Variants in BST1 observed in about 807,000 individuals in gnomAD.
The protein encoded by BST1 is ADP-ribosyl cyclase/cyclic ADP-ribose hydrolase 2.
A neutral mutation model predicts 40.6 loss-of-function variants in BST1; 49 were observed. The ratio of observed to expected loss-of-function variants is 1.21; its 90% confidence interval spans 0.96 to 1.53. BST1 has a LOEUF of 1.53. BST1 is among the 40% of genes most tolerant of loss of function. The pLI, the probability that BST1 is intolerant of heterozygous loss-of-function variation, is 0.00. For missense variants in BST1, 423 were observed against 395.9 expected, an observed-to-expected ratio of 1.07 and a Z score of -0.58; for synonymous variants, 157 against 159.3, an observed-to-expected ratio of 0.99 and a Z score of 0.11.
the BST1 span, among the ~76,000 whole-genome samples, chr4:15,760,680 A>G: frequency 6.6e-6 from 1 of 150,638 alleles, no homozygotes. Context: ...AATATATACT[A>G]TATATTTATT....
At chr4:15,730,072 T>A (rs182831666) in intron 8 of BST1, among the ~76,000 whole-genome samples, 201 of 152,332 alleles carry the variant, frequency 1.3e-3, no homozygotes, top group Non-Finnish European at 1.9e-3. Flanking sequence ...TCTGGGACAT[T>A]AACTGCATCA....
In BST1 at chr4:15,703,265, G is replaced by T; in HGVS notation, c.121G>T (p.Ala41Ser). 6.5e-7 allele frequency: 1 copy of T among 1,539,312 alleles called. No homozygotes were observed. Among genetic ancestry groups the T allele is most frequent in the Non-Finnish European group, 8.7e-7 (1 of 1,146,812 alleles). ...RARWRGEGTS[A>S]HLRDIFLGRC... ...GCGGTGGCGCGGGGAGGGCACCAGC[G>T]CACACTTGCGGGACATCTTCCTGGG... Residue 41 changes from alanine to serine, a missense_variant, in exon 1 of 9, where the codon GCA becomes TCA. Ala to Ser is a moderately conservative substitution (Grantham distance 99). Coordinates refer to ENST00000265016, the MANE Select transcript of BST1 (RefSeq NM_004334.3).
At chr4:15,771,224 G>A in the BST1 span, among the ~76,000 whole-genome samples, 3 of 152,080 alleles carry the variant, frequency 2.0e-5, no homozygotes, top group South Asian at 2.1e-4. Context: ...CAATTAATCC[G>A]CACTTCAAGC....
the BST1 span, among the ~76,000 whole-genome samples, chr4:15,758,763 A>G: frequency 6.6e-6 from 1 of 152,144 alleles, no homozygotes; most frequent in Non-Finnish European, 1.5e-5. Context: ...TGATTGTTTT[A>G]GATTCTTCAT....
chr4:15,754,752 G>T, the BST1 span, among the ~76,000 whole-genome samples: 1 of 152,102 alleles, frequency 6.6e-6, no homozygotes, highest in South Asian at 2.1e-4. Context: ...TTCTGAAAAG[G>T]TAGTATATAC....
At chr4:15,742,074 AG>A (rs1202992341), downstream of BST1, among the ~76,000 whole-genome samples, 4 of 152,166 alleles carry the variant, frequency 2.6e-5, no homozygotes, top group Non-Finnish European at 5.9e-5. Flanking sequence ...GCAGTTTTTC[AG>A]GGTTTGAGAT....
the BST1 span, among the ~76,000 whole-genome samples, chr4:15,747,333 C>A: frequency 1.3e-5 from 2 of 152,178 alleles, no homozygotes; most frequent in Non-Finnish European, 2.9e-5. Context: ...GCCATGCTGC[C>A]TTTATGCCAT....
chr4:15,707,789 T>G lies in BST1; in HGVS notation c.451+143T>G, dbSNP rs949171250. The G allele has an allele frequency of 2.9e-6, 3 of 1,034,782 alleles. No individual in the cohort carries two copies. In the African/African-American group the frequency reaches 4.9e-5, roughly 17 times the overall value. The allele number at this position is 1,034,782 out of a possible 1,614,324, so 64.1% of individuals were successfully genotyped here. On this transcript the variant is annotated intron_variant, in intron 3 of 8. Coordinates refer to ENST00000265016, the MANE Select transcript of BST1 (RefSeq NM_004334.3). ...GATAAGTGGCAAGAATAGTTAATAA[T>G]AACAATACTAGAGAATACTTAACTT...
intron 1 of BST1, 87 bp downstream of exon 1, chr4:15,703,419 G>C: frequency 6.9e-7 from 1 of 1,451,050 alleles, no homozygotes; most frequent in Non-Finnish European, 9.0e-7. Flanking sequence ...GCTAAAGTTC[G>C]GGGTGAGGGG....
chr4:15,709,491 C>G (rs1419873706), intron 3 of BST1, among the ~76,000 whole-genome samples: 2 of 152,114 alleles, frequency 1.3e-5, no homozygotes, highest in Non-Finnish European at 2.9e-5. Context: ...GCCATTCTTT[C>G]AATGGAGAAC....
Position 15,707,629 on chromosome 4 carries a change from G to A in BST1, c.434G>A (p.Arg145Gln), listed in dbSNP as rs2302464. The change falls in exon 3 of 9, where the codon CGA becomes CAA. Residue 145 changes from arginine to glutamine, a missense_variant. Transcript: ENST00000265016. ...GTTGCAGATTTCTTGAGCTGGTGTC[G>A]ACAGAAAAATGACTCTGGTAAGACT... ...GRVADFLSWC[R>Q]QKNDSGLDYQ... 0.037 allele frequency: 59,225 copies of A among 1,613,756 alleles called. 2,224 individuals carry two copies. The highest frequency in any genetic ancestry group is 0.22 in the East Asian group (9,881 of 44,848).
chr4:15,749,564 C>T, the BST1 span, among the ~76,000 whole-genome samples: 1 of 152,150 alleles, frequency 6.6e-6, no homozygotes, highest in Non-Finnish European at 1.5e-5. Flanking sequence ...CAAAGAATAG[C>T]TCTGGAAATC....
the BST1 span, among the ~76,000 whole-genome samples, chr4:15,762,778 C>T: frequency 6.6e-6 from 1 of 152,076 alleles, no homozygotes; most frequent in Non-Finnish European, 1.5e-5. Context: ...TCAGAGTCCA[C>T]ATATAAGTGC....
the BST1 span, among the ~76,000 whole-genome samples, chr4:15,766,943 C>T: frequency 6.6e-6 from 1 of 151,822 alleles, no homozygotes; most frequent in Admixed American, 6.6e-5. Context: ...CTGCATCCCA[C>T]GCCCAGTGCC....
At position 15,732,018 on chromosome 4, in the gene BST1, A is replaced by G; in HGVS notation, c.*173A>G. 7.5e-7 allele frequency: 1 copy of G among 1,326,656 alleles called. No individual in the cohort carries two copies. Among genetic ancestry groups the G allele is most frequent in the Non-Finnish European group, 9.6e-7 (1 of 1,037,166 alleles). The allele number at this position is 1,326,656 out of a possible 1,614,324, so 82.2% of individuals were successfully genotyped here. A position where few individuals can be genotyped will look rare whatever the true frequency, so the allele number is the denominator to read the frequency against. On this transcript the variant is annotated 3_prime_UTR_variant, in exon 9 of 9. Coordinates refer to ENST00000265016, the MANE Select transcript of BST1 (RefSeq NM_004334.3). ...GCATATGTTCAGGATTTCAGAAACA[A>G]GAAGTTAGTTCTATTTAGCAGGTTA...
the BST1 span, among the ~76,000 whole-genome samples, chr4:15,750,323 C>T: frequency 6.6e-6 from 1 of 152,152 alleles, no homozygotes; most frequent in African/African-American, 2.4e-5. Context: ...CTGTGCCTGG[C>T]ATGGTTTGAA....
intron 2 of BST1, among the ~76,000 whole-genome samples, chr4:15,706,760 G>A (rs1180418219): frequency 1.3e-5 from 2 of 152,150 alleles, no homozygotes; most frequent in East Asian, 1.9e-4. Flanking sequence ...ACTAAAAGTG[G>A]GGAAGCTGAC....
At chr4:15,753,678 G>A in the BST1 span, among the ~76,000 whole-genome samples, 1 of 152,232 alleles carries the variant, frequency 6.6e-6, no homozygotes, top group Non-Finnish European at 1.5e-5. Context: ...GCAATGATGG[G>A]ACATACATAA....
the BST1 span, among the ~76,000 whole-genome samples, chr4:15,768,856 T>A: frequency 6.6e-6 from 1 of 152,186 alleles, no homozygotes; most frequent in African/African-American, 2.4e-5. Context: ...AAAGCCCTCC[T>A]GACAGCTGCC....
Sources: gnomAD v4.1 joint callset for allele counts (sites outside exome capture counted in the v4.1 genomes callset) on GRCh38, gnomAD v4.1.1 for gene constraint, MANE v1.5 for transcripts, NCBI Gene and HGNC (gene_info 2026-07-23, HGNC 2026-07-21) for gene names.